Variants in SNTG1 observed in about 807,000 individuals in gnomAD.
SNTG1 encodes the protein syntrophin gamma 1, also known as gamma-1-syntrophin.
A neutral mutation model predicts 74.7 loss-of-function variants in SNTG1; 39 were observed. The ratio of observed to expected loss-of-function variants is 0.52; its 90% CI spans 0.40 to 0.68. SNTG1 has a LOEUF of 0.68. Among genes scored for constraint, SNTG1 ranks in the 30% least tolerant of loss-of-function variants. SNTG1 has a pLI of 0.00. For missense variants in SNTG1, 685 were observed against 609.5 expected, an observed-to-expected ratio of 1.12 and a Z score of -1.30; for synonymous variants, 254 against 217.1, an observed-to-expected ratio of 1.17 and a Z score of -1.49.
intron 8 of SNTG1, among the ~76,000 whole-genome samples, chr8:50,490,539 G>A (rs530939324): frequency 4.2e-4 from 64 of 152,302 alleles, no homozygotes; most frequent in African/African-American, 1.4e-3. Flanking sequence ...TTGTGAATGG[G>A]AATTCACTCA....
At chr8:50,703,714 G>A (rs963558550) in intron 15 of SNTG1, among the ~76,000 whole-genome samples, 1 of 151,996 alleles carries the variant, frequency 6.6e-6, no homozygotes, top group African/African-American at 2.4e-5. Context: ...TGTCAGCACA[G>A]CAGGTTTGTT....
At chr8:50,783,524 G>T (rs996524277) in intron 18 of SNTG1, among the ~76,000 whole-genome samples, 1 of 151,868 alleles carries the variant, frequency 6.6e-6, no homozygotes, top group Admixed American at 6.6e-5. Context: ...TAATCTCCTG[G>T]TGTGCCATTT....
chr8:50,624,537 C>T lies in SNTG1; in HGVS notation c.850-32372C>T, dbSNP rs187004690. On this transcript the variant is annotated intron_variant, in intron 13 of 18. Transcript: ENST00000642720. ...AATTCTCGAGAGAATGAAGCCAATTCCAGCTAAGAAAGTTACCTTGGTAGT... is the reference window on the plus strand; with the variant it reads ...AATTCTCGAGAGAATGAAGCCAATTTCAGCTAAGAAAGTTACCTTGGTAGT... Among the ~76,000 whole-genome samples, 1,097 of 152,064 alleles carry T rather than the reference C, an allele frequency of 7.2e-3. 4 individuals carry two copies. Among genetic ancestry groups the T allele is most frequent in the South Asian group, 0.013 (63 of 4,812 alleles).
intron 2 of SNTG1, among the ~76,000 whole-genome samples, chr8:50,211,390 A>G (rs935265461): frequency 7.2e-5 from 11 of 152,146 alleles, no homozygotes; most frequent in African/African-American, 2.7e-4. Context: ...TTTTCTCCAT[A>G]TAATTATATT....
intron 1 of SNTG1, among the ~76,000 whole-genome samples, chr8:50,080,608 A>G (rs1822314537): frequency 6.6e-6 from 1 of 151,962 alleles, no homozygotes; most frequent in Non-Finnish European, 1.5e-5. Context: ...TTGCTGTATT[A>G]TTTTGAGTTA....
At chr8:50,069,847 A>C (rs1303992798) in intron 1 of SNTG1, among the ~76,000 whole-genome samples, 1 of 151,720 alleles carries the variant, frequency 6.6e-6, no homozygotes, top group Non-Finnish European at 1.5e-5. Context: ...CTCTAGGCAA[A>C]GCTTGCCCAA....
At chr8:50,010,785 C>T (rs75415568) in intron 1 of SNTG1, among the ~76,000 whole-genome samples, 29 of 89,136 alleles carry the variant, frequency 3.3e-4, no homozygotes, top group South Asian at 1.1e-3. Context: ...ACAGGCCTCT[C>T]TTTTTTTTTT....
At chr8:50,165,853 C>A (rs990153006) in intron 1 of SNTG1, among the ~76,000 whole-genome samples, 6 of 152,078 alleles carry the variant, frequency 3.9e-5, no homozygotes, top group Admixed American at 3.9e-4. Flanking sequence ...AGGCATCACA[C>A]TACCTGACTT....
chr8:50,357,148 T>G (rs1356638207), intron 2 of SNTG1, among the ~76,000 whole-genome samples: 1 of 152,184 alleles, frequency 6.6e-6, no homozygotes, highest in Non-Finnish European at 1.5e-5. Flanking sequence ...ATTTCCCACG[T>G]CAGCCATACT....
chr8:49,983,800 C>T (rs1040520099), intron 1 of SNTG1, among the ~76,000 whole-genome samples: 5 of 152,208 alleles, frequency 3.3e-5, no homozygotes, highest in Non-Finnish European at 1.5e-5. Context: ...TCTTGTCTTG[C>T]CCCCGTTTAA....
intron 1 of SNTG1, among the ~76,000 whole-genome samples, chr8:50,158,310 T>G (rs1357055689): frequency 6.6e-6 from 1 of 152,174 alleles, no homozygotes; most frequent in Non-Finnish European, 1.5e-5. Context: ...ATTTTTAGCC[T>G]GTCTCTTAGG....
At chr8:50,510,238 G>A (rs1034363225) in intron 9 of SNTG1, among the ~76,000 whole-genome samples, 16 of 152,058 alleles carry the variant, frequency 1.1e-4, no homozygotes, top group African/African-American at 1.4e-4. Flanking sequence ...CATATGTTGA[G>A]CCAGCCTTGC....
chr8:50,766,810 C>T (rs2095615037), intron 18 of SNTG1, among the ~76,000 whole-genome samples: 1 of 151,758 alleles, frequency 6.6e-6, no homozygotes, highest in South Asian at 2.1e-4. Context: ...AAGTAATTTG[C>T]AAATCTTTGA....
chr8:49,985,333 G>C (rs1342759688), intron 1 of SNTG1, among the ~76,000 whole-genome samples: 2 of 152,088 alleles, frequency 1.3e-5, no homozygotes, highest in African/African-American at 4.8e-5. Flanking sequence ...GTTTCACCGT[G>C]TTGGCTAGGC....
chr8:50,725,103 A>G (rs1241528980), intron 17 of SNTG1, among the ~76,000 whole-genome samples: 2 of 152,218 alleles, frequency 1.3e-5, no homozygotes, highest in African/African-American at 4.8e-5. Context: ...TCGTTGGATC[A>G]AAATAAAAAG....
At chr8:50,595,465 A>G (rs901076597) in intron 13 of SNTG1, among the ~76,000 whole-genome samples, 1 of 152,094 alleles carries the variant, frequency 6.6e-6, no homozygotes, top group Admixed American at 6.5e-5. Context: ...GTAAAAATTT[A>G]TGTATTACAG....
intron 1 of SNTG1, among the ~76,000 whole-genome samples, chr8:49,946,984 G>A (rs1809248696): frequency 1.3e-5 from 2 of 152,078 alleles, no homozygotes; most frequent in Admixed American, 6.6e-5. Flanking sequence ...TAATAGCTAC[G>A]AGAGGTATAA....
At chr8:50,151,621 A>C (rs901759601) in intron 1 of SNTG1, among the ~76,000 whole-genome samples, 2 of 152,040 alleles carry the variant, frequency 1.3e-5, no homozygotes, top group African/African-American at 4.8e-5. Flanking sequence ...CTTTGTTCTC[A>C]TTGGTTTCAA....
upstream of SNTG1, among the ~76,000 whole-genome samples, chr8:49,910,739 G>A (rs954414889): frequency 6.6e-6 from 1 of 152,204 alleles, no homozygotes; most frequent in Non-Finnish European, 1.5e-5. Context: ...GGAGACCAGA[G>A]GGAAAATGGG....
Sources: gnomAD v4.1 joint callset for allele counts (sites outside exome capture counted in the v4.1 genomes callset) on GRCh38, gnomAD v4.1.1 for gene constraint, MANE v1.5 for transcripts, NCBI Gene and HGNC (gene_info 2026-07-23, HGNC 2026-07-21) for gene names.